Variants in CDK14 observed in about 807,000 individuals in gnomAD.
CDK14 encodes cyclin-dependent kinase 14.
Under a neutral mutation model 60.7 loss-of-function variants are expected in CDK14, and 34 were observed. The observed-to-expected ratio is 0.56, with a 90% CI of 0.43 to 0.75. CDK14 has a LOEUF of 0.75. Among genes scored for constraint, CDK14 ranks in the 30% least tolerant of loss-of-function variants. The pLI, the probability that CDK14 is intolerant of heterozygous loss-of-function variation, is 0.00. For missense variants in CDK14, 482 were observed against 564.1 expected, an observed-to-expected ratio of 0.85 and a Z score of 1.47; for synonymous variants, 197 against 203.7, an observed-to-expected ratio of 0.97 and a Z score of 0.28.
In CDK14 at chr7:90,906,996, A is replaced by T. The variant is rs75789340; in HGVS notation, c.702+7643A>T. ...TATTATCAGTATGGCATTCTGAAAT[A>T]AATATTCACTAATAACAAATGGTTT... is the stretch of plus-strand genomic sequence containing the variant. On this transcript the variant is annotated intron_variant, in intron 7 of 14. Coordinates refer to ENST00000380050, the MANE Select transcript of CDK14 (RefSeq NM_001287135.2). Among the ~76,000 whole-genome samples the T allele has an allele frequency of 8.5e-5, 13 of 152,202 alleles. No homozygotes were observed. The East Asian group carries it at 2.5e-3, about 29-fold the overall frequency.
chr7:90,955,889 C>G, intron 9 of CDK14, 72 bp downstream of exon 9: 1 of 1,554,090 alleles, frequency 6.4e-7, no homozygotes, highest in Non-Finnish European at 8.8e-7. Context: ...AGACAAACAT[C>G]CTAACAGTTT....
intron 5 of CDK14, among the ~76,000 whole-genome samples, chr7:90,807,986 T>C (rs1414862803): frequency 6.6e-6 from 1 of 152,180 alleles, no homozygotes; most frequent in Non-Finnish European, 1.5e-5. Flanking sequence ...AATCTACGTC[T>C]GATTGGTGTA....
intron 10 of CDK14, among the ~76,000 whole-genome samples, chr7:91,035,515 A>G (rs986799839): frequency 2.6e-5 from 4 of 151,800 alleles, no homozygotes; most frequent in Non-Finnish European, 5.9e-5. Context: ...ATCCCAAAAC[A>G]TTTTTTTCTC....
intron 7 of CDK14, 136 bp from the exon 8 acceptor site, chr7:90,917,465 T>C: frequency 1.5e-6 from 1 of 678,290 alleles, no homozygotes; most frequent in East Asian, 2.7e-5. Context: ...TCACATTCTG[T>C]TGAAATAATT....
chr7:91,078,790 C>A lies in CDK14; in HGVS notation c.1106-642C>A, dbSNP rs150327260. On this transcript the variant is annotated intron_variant, in intron 11 of 14. Transcript: ENST00000380050. Reference sequence around the variant, plus strand: ...AAAAAATATGTGAAAAGGGACATAGCAAATCATTAACAATTGGTATATCAT... The same window carrying A: ...AAAAAATATGTGAAAAGGGACATAGAAAATCATTAACAATTGGTATATCAT... Among the ~76,000 whole-genome samples the A allele has an allele frequency of 1.2e-4, 18 of 152,236 alleles. 1 individual carries two copies. The East Asian group carries it at 3.3e-3, about 28-fold the overall frequency.
intron 14 of CDK14, among the ~76,000 whole-genome samples, chr7:91,144,839 A>G (rs1279064848): frequency 6.6e-6 from 1 of 152,236 alleles, no homozygotes; most frequent in Admixed American, 6.5e-5. Context: ...ATGATTAAAA[A>G]GAAAAACATA....
chr7:90,957,193 G>A (rs903321907), intron 9 of CDK14, among the ~76,000 whole-genome samples: 9 of 151,688 alleles, frequency 5.9e-5, no homozygotes, highest in Non-Finnish European at 2.9e-5. Context: ...TCGCCACACT[G>A]ACTTCCACAA....
chr7:90,981,745 C>G (rs867683624), intron 9 of CDK14, among the ~76,000 whole-genome samples: 1 of 151,496 alleles, frequency 6.6e-6, no homozygotes, highest in Non-Finnish European at 1.5e-5. Flanking sequence ...AACATAAACC[C>G]ATTCAAATAG....
At chr7:90,695,787 C>T (rs945536636) in intron 2 of CDK14, among the ~76,000 whole-genome samples, 14 of 151,952 alleles carry the variant, frequency 9.2e-5, no homozygotes, top group Non-Finnish European at 1.5e-4. Flanking sequence ...TGAGTATAGA[C>T]GGCTTAGTGT....
chr7:90,699,461 C>G (rs1488146867), intron 2 of CDK14, among the ~76,000 whole-genome samples: 1 of 152,184 alleles, frequency 6.6e-6, no homozygotes, highest in Non-Finnish European at 1.5e-5. Flanking sequence ...CTAAGTATTC[C>G]CATAAGATTG....
chr7:90,903,353 A>G (rs980487030), intron 7 of CDK14, among the ~76,000 whole-genome samples: 1 of 152,226 alleles, frequency 6.6e-6, no homozygotes, highest in African/African-American at 2.4e-5. Context: ...AAAATGCAGT[A>G]CATACATACA....
rs1408956904 is a variant in CDK14 at position 90,711,882 on chromosome 7, A to ACTTTT, written c.124-14685_124-14684insCTTTT. ...GTTCTTATGGAACTTATAGTCTACT[A>ACTTTT]TGTTTTTTTTTTTTTTTTTCAATTG... On this transcript the variant is annotated intron_variant, in intron 2 of 14. Transcript: ENST00000380050. 3.6e-5 allele frequency among the ~76,000 whole-genome samples: 4 copies of ACTTTT among 110,820 alleles called. 1 individual carries two copies. The highest frequency in any genetic ancestry group is 5.5e-5 in the Non-Finnish European group (3 of 54,884). 72.7% of individuals were successfully genotyped at this position (110,820 alleles called of 152,430 possible).
chr7:90,723,436 G>A (rs73222513), intron 2 of CDK14, among the ~76,000 whole-genome samples: 2,588 of 152,238 alleles, frequency 0.017, 35 homozygotes, highest in South Asian at 0.048. Flanking sequence ...TAGTCTTTCT[G>A]CACAGGTGCC....
intron 3 of CDK14, 75 bp downstream of exon 3, chr7:90,726,887 A>G (rs1233536475): frequency 1.5e-5 from 23 of 1,533,630 alleles, no homozygotes; most frequent in Non-Finnish European, 2.0e-5. Context: ...CGGTGCTGGA[A>G]GACAGCAGGA....
intron 2 of CDK14, among the ~76,000 whole-genome samples, chr7:90,639,765 G>T (rs1375424973): frequency 1.3e-5 from 2 of 151,840 alleles, no homozygotes; most frequent in African/African-American, 2.4e-5. Flanking sequence ...GCTGTGTTGG[G>T]CTCCACCCAG....
intron 6 of CDK14, among the ~76,000 whole-genome samples, chr7:90,887,769 G>C (rs1289657729): frequency 1.3e-5 from 2 of 151,674 alleles, no homozygotes; most frequent in Non-Finnish European, 2.9e-5. Context: ...GTTACCACTG[G>C]GTCAAATTAT....
At chr7:90,919,619 A>G (rs944943634) in intron 8 of CDK14, among the ~76,000 whole-genome samples, 1 of 152,176 alleles carries the variant, frequency 6.6e-6, no homozygotes, top group Non-Finnish European at 1.5e-5. Context: ...CTTCACTTGC[A>G]TATCACATAG....
rs370676322 is a variant in CDK14 at position 90,659,699 on chromosome 7, A to G, written c.123+55450A>G. 1.5e-3 allele frequency among the ~76,000 whole-genome samples: 222 copies of G among 152,328 alleles called. 1 individual carries two copies. The highest frequency in any genetic ancestry group is 4.9e-3 in the African/African-American group (204 of 41,568). On this transcript the variant is annotated intron_variant, in intron 2 of 14. Coordinates refer to ENST00000380050, the MANE Select transcript of CDK14 (RefSeq NM_001287135.2). ...TTCCCCTGTTTTGTCAAGCTTATACAAATAATGATATAAGGTAGAAATGAA... is the reference window on the plus strand; with the variant it reads ...TTCCCCTGTTTTGTCAAGCTTATACGAATAATGATATAAGGTAGAAATGAA...
chr7:90,828,376 A>G (rs1430576787), intron 5 of CDK14, among the ~76,000 whole-genome samples: 1 of 152,208 alleles, frequency 6.6e-6, no homozygotes, highest in African/African-American at 2.4e-5. Flanking sequence ...GGAGGATTCT[A>G]AGTCTCTACC....
Sources: gnomAD v4.1 joint callset for allele counts (sites outside exome capture counted in the v4.1 genomes callset) on GRCh38, gnomAD v4.1.1 for gene constraint, MANE v1.5 for transcripts, NCBI Gene and HGNC (gene_info 2026-07-23, HGNC 2026-07-21) for gene names.